ZNF804A: variants seen among roughly 807,000 people sequenced by gnomAD.
ZNF804A encodes zinc finger protein 804A.
In ZNF804A, 2 loss-of-function variants were observed where a neutral mutation model predicts 16.5. The ratio of observed to expected loss-of-function variants is 0.12; its 90% CI spans 0.05 to 0.38. The LOEUF is 0.38. ZNF804A is among the 10% of genes least tolerant of loss of function. The pLI is 0.99. For synonymous variants in ZNF804A, 534 were observed against 489.6 expected (o/e 1.09, Z -1.20); for missense variants, 1,473 against 1,390.7 (o/e 1.06, Z -0.94).
intron 1 of ZNF804A, among the ~76,000 whole-genome samples, chr2:184,753,909 T>C (rs1228550808): frequency 6.6e-6 from 1 of 151,904 alleles, no homozygotes. Flanking sequence ...GATATCCAAT[T>C]AAATTTGAAT....
chr2:184,698,882 A>G (rs1463614627), intron 1 of ZNF804A, among the ~76,000 whole-genome samples: 2 of 152,072 alleles, frequency 1.3e-5, no homozygotes, highest in Non-Finnish European at 2.9e-5. Context: ...TAAATAAGCA[A>G]TTCAGCTGAA....
chr2:184,700,008 G>A (rs1458315666), intron 1 of ZNF804A, among the ~76,000 whole-genome samples: 2 of 151,916 alleles, frequency 1.3e-5, no homozygotes, highest in Admixed American at 1.3e-4. Flanking sequence ...AGAGATATGT[G>A]GATCATGTGC....
At chr2:184,884,634 C>T (rs564887995) in intron 2 of ZNF804A, among the ~76,000 whole-genome samples, 5 of 152,048 alleles carry the variant, frequency 3.3e-5, no homozygotes, top group South Asian at 2.1e-4. Context: ...GAATAGAGAA[C>T]CCAGAAATAA....
chr2:184,916,482 G>C (rs1685450704), intron 2 of ZNF804A, among the ~76,000 whole-genome samples: 1 of 152,092 alleles, frequency 6.6e-6, no homozygotes, highest in Admixed American at 6.6e-5. Context: ...AATTATCCAG[G>C]AACAATATCC....
chr2:184,868,411 A>G (rs1695914271), intron 2 of ZNF804A, among the ~76,000 whole-genome samples: 1 of 152,058 alleles, frequency 6.6e-6, no homozygotes. Context: ...ACTCTAACAC[A>G]TTGTTCACTT....
At chr2:184,670,015 T>A (rs1302795640) in intron 1 of ZNF804A, among the ~76,000 whole-genome samples, 1 of 152,122 alleles carries the variant, frequency 6.6e-6, no homozygotes, top group African/African-American at 2.4e-5. Context: ...CATTTATTTT[T>A]CACTAAGTTT....
At chr2:184,888,017 G>A (rs551642891) in intron 2 of ZNF804A, among the ~76,000 whole-genome samples, 1 of 152,102 alleles carries the variant, frequency 6.6e-6, no homozygotes, top group African/African-American at 2.4e-5. Flanking sequence ...ACTACCTATT[G>A]GGTACTATGC....
At chr2:184,707,291 A>G (rs1262066542) in intron 1 of ZNF804A, among the ~76,000 whole-genome samples, 3 of 151,930 alleles carry the variant, frequency 2.0e-5, no homozygotes, top group African/African-American at 7.3e-5. Flanking sequence ...TTTTTACTTT[A>G]TTCTATAATT....
intron 1 of ZNF804A, among the ~76,000 whole-genome samples, chr2:184,712,663 A>T (rs1559132736): frequency 6.6e-6 from 1 of 151,618 alleles, no homozygotes; most frequent in African/African-American, 2.4e-5. Context: ...TGCATATATT[A>T]GTTGGTTTGA....
At chr2:184,659,748 T>C (rs1692137582) in intron 1 of ZNF804A, among the ~76,000 whole-genome samples, 1 of 152,136 alleles carries the variant, frequency 6.6e-6, no homozygotes, top group South Asian at 2.1e-4. Flanking sequence ...TAACTACAAC[T>C]TAAAGTATTA....
intron 2 of ZNF804A, among the ~76,000 whole-genome samples, chr2:184,930,106 CAG>C (rs1000900790): frequency 2.0e-5 from 3 of 152,042 alleles, no homozygotes; most frequent in African/African-American, 7.2e-5. Flanking sequence ...AGCCTTTTAA[CAG>C]AGTGACTGCT....
intron 1 of ZNF804A, among the ~76,000 whole-genome samples, chr2:184,819,371 T>C (rs1695035596): frequency 6.6e-6 from 1 of 151,900 alleles, no homozygotes; most frequent in Admixed American, 6.6e-5. Context: ...TTAAATCTAG[T>C]GAGAACAAAG....
Position 184,800,271 on chromosome 2 carries a change from T to A in ZNF804A, c.112-66098T>A, listed in dbSNP as rs143003991. ...TTCTCTATTGTTTTCCTTCTTTCAG[T>A]AAGTCTTGCTGAAATTCTCATTGAA... On this transcript the variant is annotated intron_variant, in intron 1 of 3. Transcript: ENST00000302277. Among the ~76,000 whole-genome samples the A allele has an allele frequency of 5.3e-4, 80 of 152,160 alleles. 2 individuals carry two copies. The East Asian group carries it at 0.011, about 21-fold the overall frequency.
chr2:184,770,744 T>C (rs1007903118), intron 1 of ZNF804A, among the ~76,000 whole-genome samples: 2 of 151,954 alleles, frequency 1.3e-5, no homozygotes, highest in African/African-American at 4.8e-5. Context: ...CTACCAAATA[T>C]CTAAAATCAA....
intron 2 of ZNF804A, among the ~76,000 whole-genome samples, chr2:184,883,911 T>C (rs1684847738): frequency 6.6e-6 from 1 of 152,044 alleles, no homozygotes; most frequent in Non-Finnish European, 1.5e-5. Flanking sequence ...ATGCACTCAC[T>C]CACCACTCCT....
At chr2:184,767,206 A>G (rs1694141542) in intron 1 of ZNF804A, among the ~76,000 whole-genome samples, 1 of 152,166 alleles carries the variant, frequency 6.6e-6, no homozygotes, top group Admixed American at 6.6e-5. Context: ...CCAAATGTCC[A>G]CTGGTGGATG....
At chr2:184,861,785 G>T (rs574137123) in intron 1 of ZNF804A, among the ~76,000 whole-genome samples, 1 of 152,032 alleles carries the variant, frequency 6.6e-6, no homozygotes, top group African/African-American at 2.4e-5. Flanking sequence ...TTAGTATTGG[G>T]GGATAGATTG....
intron 1 of ZNF804A, among the ~76,000 whole-genome samples, chr2:184,631,574 G>T (rs1691610097): frequency 1.3e-5 from 2 of 151,984 alleles, no homozygotes; most frequent in African/African-American, 4.8e-5. Context: ...GACAACACTG[G>T]CACTGACCAA....
chr2:184,726,739 A>G lies in ZNF804A; in HGVS notation c.111+127669A>G, dbSNP rs367997919. On this transcript the variant is annotated intron_variant, in intron 1 of 3. Transcript: ENST00000302277. ...GAATTTACATTTATTATTTAAATATATATCTTAAAAATACTTTTGTAAAAA... is the reference window on the plus strand; with the variant it reads ...GAATTTACATTTATTATTTAAATATGTATCTTAAAAATACTTTTGTAAAAA... Among the ~76,000 whole-genome samples the G allele has an allele frequency of 5.6e-4, 85 of 151,686 alleles. 2 individuals carry two copies. The South Asian group carries it at 0.017, about 31-fold the overall frequency.
Sources: allele counts gnomAD v4.1 joint callset (sites outside exome capture counted in the v4.1 genomes callset), GRCh38; gene constraint gnomAD v4.1.1; transcripts MANE v1.5; gene names NCBI Gene and HGNC (gene_info 2026-07-23, HGNC 2026-07-21).